Variants in PCSK6 observed in about 807,000 individuals in gnomAD.
PCSK6 encodes the protein paired basic amino acid cleaving enzyme 4.
In PCSK6, 85 loss-of-function variants were observed where a neutral mutation model predicts 123.3. The observed-to-expected ratio is 0.69, with a 90% CI of 0.58 to 0.83. PCSK6 has a LOEUF of 0.83. Among genes scored for constraint, PCSK6 ranks in the 40% least tolerant of loss-of-function variants. The pLI is 0.00. For missense variants in PCSK6, 1,191 were observed against 1,282.3 expected (o/e 0.93, Z 1.09); for synonymous variants, 508 against 516.0 (o/e 0.98, Z 0.21).
chr15:101,399,301 G>A (rs1045909136), intron 6 of PCSK6, among the ~76,000 whole-genome samples: 25 of 152,164 alleles, frequency 1.6e-4, no homozygotes, highest in African/African-American at 5.1e-4. Flanking sequence ...CCACTCCGAC[G>A]TATAACTTAT....
intron 13 of PCSK6, among the ~76,000 whole-genome samples, chr15:101,340,229 A>G (rs1329529883): frequency 6.6e-6 from 1 of 152,154 alleles, no homozygotes; most frequent in Non-Finnish European, 1.5e-5. Context: ...TTACCTGAGC[A>G]CACACACATA....
chr15:101,381,473 C>T (rs922574794), intron 11 of PCSK6, among the ~76,000 whole-genome samples: 2 of 152,166 alleles, frequency 1.3e-5, no homozygotes, highest in East Asian at 3.8e-4. Context: ...GAAGCCAGGG[C>T]CCTTCTGCTC....
In PCSK6 at chr15:101,318,542, G is replaced by C; in HGVS notation, c.2466-120C>G. ...CTGAGGCACAGTTCTTTGTGTCACC[G>C]AAAGTTCTCAGCTAAGGAAAGTCGG... On this transcript the variant is annotated intron_variant, in intron 18 of 21. Transcript: ENST00000611716. The C allele has an allele frequency of 3.6e-6, 3 of 837,912 alleles. No individual in the cohort carries two copies. In the East Asian group the frequency reaches 8.1e-5, roughly 23 times the overall value. The allele number at this position is 837,912 out of a possible 1,614,324, so 51.9% of individuals were successfully genotyped here. A position where few individuals can be genotyped will look rare whatever the true frequency, so the allele number is the denominator to read the frequency against.
At chr15:101,451,532 A>C (rs1314454995) in intron 1 of PCSK6, among the ~76,000 whole-genome samples, 1 of 152,068 alleles carries the variant, frequency 6.6e-6, no homozygotes, top group East Asian at 1.9e-4. Flanking sequence ...TGATGAATGG[A>C]CTGCAGATGA....
At chr15:101,316,672 C>T (rs1446933803) in intron 19 of PCSK6, among the ~76,000 whole-genome samples, 1 of 152,210 alleles carries the variant, frequency 6.6e-6, no homozygotes, top group Non-Finnish European at 1.5e-5. Flanking sequence ...AGGGCTGCCC[C>T]AGGAGGGAAC....
chr15:101,370,762 G>A (rs967161005), intron 11 of PCSK6, among the ~76,000 whole-genome samples: 12 of 152,218 alleles, frequency 7.9e-5, no homozygotes, highest in Non-Finnish European at 1.6e-4. Context: ...AAGATGGTTC[G>A]GCTGGGCACT....
At chr15:101,413,636 G>A (rs199910900) in intron 6 of PCSK6, among the ~76,000 whole-genome samples, 2 of 149,574 alleles carry the variant, frequency 1.3e-5, no homozygotes, top group Admixed American at 6.7e-5. Flanking sequence ...ACAGCAGACC[G>A]GGGGGCTACA....
At position 101,324,897 on chromosome 15, in the gene PCSK6, A is replaced by G; in HGVS notation, c.2330T>C (p.Met777Thr). 1 of 1,613,674 alleles carries G rather than the reference A, an allele frequency of 6.2e-7. No homozygotes were observed. Among genetic ancestry groups the G allele is most frequent in the Non-Finnish European group, 8.5e-7 (1 of 1,179,892 alleles). ...AGGACAGAGGGTCACACAGGTGTTC[A>G]TCTCCTGGTGGTGATAGAACCCGCG... is the stretch of plus-strand genomic sequence containing the variant. Reference protein sequence around the residue: ...CRRGFYHHQEMNTCVTLCPAG... With the variant: ...CRRGFYHHQETNTCVTLCPAG... Residue 777 changes from methionine to threonine, a missense_variant, in exon 17 of 22, where the codon ATG becomes ACG. Around this residue, in one of 3 missense-constraint regions of PCSK6, gnomAD observed 630 missense variants for 631.4 expected, o/e 1.00. Coordinates refer to ENST00000611716, the MANE Select transcript of PCSK6 (RefSeq NM_002570.5).
intron 6 of PCSK6, among the ~76,000 whole-genome samples, chr15:101,416,590 C>T (rs1348273940): frequency 6.6e-6 from 1 of 152,242 alleles, no homozygotes; most frequent in Non-Finnish European, 1.5e-5. Flanking sequence ...GAGACCTTCA[C>T]AGCAGCCCCT....
At position 101,305,206 on chromosome 15, in the gene PCSK6, T is replaced by C; in HGVS notation, c.*52A>G. 1 of 1,440,344 alleles carries C rather than the reference T, an allele frequency of 6.9e-7. No homozygotes were observed. The highest frequency in any genetic ancestry group is 1.4e-5 in the African/African-American group (1 of 71,606). The allele number at this position is 1,440,344 out of a possible 1,614,324, so 89.2% of individuals were successfully genotyped here. On this transcript the variant is annotated 3_prime_UTR_variant, in exon 22 of 22. Transcript: ENST00000611716. The surrounding 1 kb of genome is among the most constrained non-coding windows in gnomAD (Gnocchi z 4.8). ...CTCTGGCCGACAGTCTGGAGGAAGGTGGACGGATGGATGGATGGGAGTGCC... is the reference window on the plus strand; with the variant it reads ...CTCTGGCCGACAGTCTGGAGGAAGGCGGACGGATGGATGGATGGGAGTGCC...
At chr15:101,422,510 A>G (rs1181826677) in intron 6 of PCSK6, among the ~76,000 whole-genome samples, 1 of 152,238 alleles carries the variant, frequency 6.6e-6, no homozygotes, top group Non-Finnish European at 1.5e-5. Flanking sequence ...ACCATATGCT[A>G]GGGCTAATGG....
chr15:101,373,360 G>T (rs2041640985), intron 11 of PCSK6, among the ~76,000 whole-genome samples: 1 of 152,190 alleles, frequency 6.6e-6, no homozygotes, highest in Non-Finnish European at 1.5e-5. Context: ...GTAACAATTA[G>T]TTTTTATGTG....
chr15:101,365,099 A>G (rs2141450279), intron 13 of PCSK6: 3 of 714,724 alleles, frequency 4.2e-6, no homozygotes, highest in Non-Finnish European at 5.4e-6. Context: ...AATGGGTACA[A>G]AAGAATGAGT....
At chr15:101,420,295 A>G (rs1253710912) in intron 6 of PCSK6, among the ~76,000 whole-genome samples, 1 of 152,158 alleles carries the variant, frequency 6.6e-6, no homozygotes, top group Non-Finnish European at 1.5e-5. Flanking sequence ...AAACAGGTTT[A>G]CTATCTTGGG....
intron 1 of PCSK6, among the ~76,000 whole-genome samples, chr15:101,452,085 G>T (rs1472608769): frequency 1.3e-5 from 2 of 152,184 alleles, no homozygotes; most frequent in Non-Finnish European, 2.9e-5. Flanking sequence ...AAGTTAAGAT[G>T]ATTGCACAAT....
chr15:101,366,296 C>T lies in PCSK6; in HGVS notation c.1758G>A (p.Trp586Ter). 1 of 1,613,416 alleles carries T rather than the reference C, an allele frequency of 6.2e-7. No homozygotes were observed. Among genetic ancestry groups the T allele is most frequent in the Non-Finnish European group, 8.5e-7 (1 of 1,179,624 alleles). Residue 586 changes from tryptophan to a stop codon, truncating the protein, a stop_gained, in exon 13 of 22, where the codon TGG becomes TGA. Coordinates refer to ENST00000611716, the MANE Select transcript of PCSK6 (RefSeq NM_002570.5). LOFTEE classifies it high-confidence loss of function. ...LDLSNEGFTNWEFMTVHCWGE... is the reference protein window; with the variant it reads ...LDLSNEGFTN ...CCCAGCAGTGGACAGTCATGAATTC[C>T]CAGTTTGTAAACCCTTCATTGGAAA... is the stretch of plus-strand genomic sequence containing the variant.
In PCSK6 at chr15:101,382,088, T is replaced by C. The variant is rs962714498; in HGVS notation, c.1532+4A>G. On this transcript the variant is annotated splice_donor_region_variant and intron_variant, in intron 11 of 21. Coordinates refer to ENST00000611716, the MANE Select transcript of PCSK6 (RefSeq NM_002570.5). ...AAGTCACCGATGCCACAGCAGAGCCTTACCTGGGTCTCTTGTCCGAGGCGG... is the reference window on the plus strand; with the variant it reads ...AAGTCACCGATGCCACAGCAGAGCCCTACCTGGGTCTCTTGTCCGAGGCGG... 2 of 1,594,586 alleles carry C rather than the reference T, an allele frequency of 1.3e-6. No homozygotes were observed. Among genetic ancestry groups the C allele is most frequent in the Non-Finnish European group, 1.7e-6 (2 of 1,168,740 alleles).
At chr15:101,372,549 C>T (rs905914297) in intron 11 of PCSK6, among the ~76,000 whole-genome samples, 8 of 152,166 alleles carry the variant, frequency 5.3e-5, no homozygotes, top group African/African-American at 1.2e-4. Context: ...CGGTAGATGG[C>T]GAACACAAGA....
At chr15:101,437,811 C>T (rs1048736020) in intron 2 of PCSK6, among the ~76,000 whole-genome samples, 1 of 152,220 alleles carries the variant, frequency 6.6e-6, no homozygotes, top group Non-Finnish European at 1.5e-5. Flanking sequence ...ACAGAAGAGG[C>T]AGCTGGAGCC....
Sources: allele counts gnomAD v4.1 joint callset (sites outside exome capture counted in the v4.1 genomes callset), GRCh38; gene constraint gnomAD v4.1.1; regional missense constraint gnomAD v4.1.1; non-coding constraint Gnocchi (gnomAD v3.1); transcripts MANE v1.5; gene names NCBI Gene and HGNC (gene_info 2026-07-23, HGNC 2026-07-21).